The following TMEM131 variants were observed in gnomAD, a reference collection of about 807,000 sequenced individuals.
The protein encoded by TMEM131 is 2610524E03Rik.
A neutral mutation model predicts 211.6 loss-of-function variants in TMEM131; 66 were observed. The observed-to-expected ratio is 0.31, with a 90% CI of 0.26 to 0.38. The LOEUF (loss-of-function observed/expected upper bound fraction) is 0.38. Among genes scored for constraint, TMEM131 ranks in the 10% least tolerant of loss-of-function variants. The pLI is 1.00. For synonymous variants in TMEM131, 844 were observed against 841.3 expected (o/e 1.00, Z -0.06); for missense variants, 2,036 against 2,299.3 (o/e 0.89, Z 2.34).
At chr2:97,765,478 C>G (rs990890427) in intron 35 of TMEM131, among the ~76,000 whole-genome samples, 3 of 152,248 alleles carry the variant, frequency 2.0e-5, no homozygotes, top group African/African-American at 7.2e-5. Flanking sequence ...GCCAGGACCT[C>G]TCTTGATCTC....
Position 97,812,411 on chromosome 2 carries a change from G to C in TMEM131, c.1863+10C>G. On this transcript the variant is annotated intron_variant, in intron 17 of 40. Transcript: ENST00000186436. The stretch of plus-strand genomic sequence containing the variant: ...TCTTACTTTAAGGAGACAATAGAAA[G>C]TTTACTTACCGATGATTGATCTGAT... The C allele has an allele frequency of 5.6e-6, 9 of 1,596,320 alleles. No individual in the cohort carries two copies. Among genetic ancestry groups the C allele is most frequent in the Non-Finnish European group, 7.7e-6 (9 of 1,174,686 alleles).
At chr2:97,926,305 T>C (rs886457775) in intron 2 of TMEM131, among the ~76,000 whole-genome samples, 33 of 152,208 alleles carry the variant, frequency 2.2e-4, no homozygotes, top group African/African-American at 8.0e-4. Context: ...AAATGCTACA[T>C]GTACATTTTT....
intron 3 of TMEM131, among the ~76,000 whole-genome samples, chr2:97,891,951 G>A (rs934442417): frequency 5.9e-5 from 9 of 152,130 alleles, no homozygotes; most frequent in Non-Finnish European, 1.0e-4. Context: ...CAAATAAGAG[G>A]TGGGGAAGGA....
At chr2:97,788,510 C>A (rs1395899935) in intron 31 of TMEM131, among the ~76,000 whole-genome samples, 1 of 152,206 alleles carries the variant, frequency 6.6e-6, no homozygotes, top group African/African-American at 2.4e-5. Context: ...CCATCTCTAC[C>A]AACTCACGCA....
chr2:97,760,410 C>T (rs989503082), intron 38 of TMEM131, 183 bp downstream of exon 38: 9 of 628,098 alleles, frequency 1.4e-5, no homozygotes, highest in African/African-American at 9.2e-5. Flanking sequence ...GGGAAGGCAC[C>T]GCAGCCGGCT....
chr2:97,978,136 T>C (rs1679626155), intron 1 of TMEM131, among the ~76,000 whole-genome samples: 1 of 152,084 alleles, frequency 6.6e-6, no homozygotes, highest in South Asian at 2.1e-4. Context: ...GCAATGAAGT[T>C]TGCTGCCATT....
chr2:97,790,374 T>C lies in TMEM131; in HGVS notation c.4144+2012A>G, dbSNP rs552244511. Among the ~76,000 whole-genome samples, 6 of 152,316 alleles carry C rather than the reference T, an allele frequency of 3.9e-5. No homozygotes were observed. In the South Asian group the frequency reaches 6.2e-4, roughly 16 times the overall value. ...TCCCAAACAGCATCAGTGGGAAGGATAGTGAGTAGAGTAGCCGCGCCTGCA... is the reference window on the plus strand; with the variant it reads ...TCCCAAACAGCATCAGTGGGAAGGACAGTGAGTAGAGTAGCCGCGCCTGCA... On this transcript the variant is annotated intron_variant, in intron 31 of 40. Coordinates refer to ENST00000186436, the MANE Select transcript of TMEM131 (RefSeq NM_015348.2).
At chr2:97,877,314 C>A (rs890360497) in intron 4 of TMEM131, among the ~76,000 whole-genome samples, 1 of 152,236 alleles carries the variant, frequency 6.6e-6, no homozygotes, top group East Asian at 1.9e-4. Flanking sequence ...CTATCCCCAA[C>A]AAGCTACCAC....
intron 1 of TMEM131, among the ~76,000 whole-genome samples, chr2:97,956,333 G>A (rs1329927757): frequency 6.6e-6 from 1 of 152,146 alleles, no homozygotes; most frequent in African/African-American, 2.4e-5. Flanking sequence ...TTGTATCTCG[G>A]AACCAACTTG....
chr2:97,790,024 A>C (rs919760653), intron 31 of TMEM131, among the ~76,000 whole-genome samples: 10 of 152,238 alleles, frequency 6.6e-5, no homozygotes, highest in Non-Finnish European at 1.2e-4. Context: ...CAAAAACCAG[A>C]AACTACATAA....
chr2:97,815,219 A>G lies in TMEM131; in HGVS notation c.1272T>C (p.Tyr424=), dbSNP rs1681761104. 1 of 1,551,254 alleles carries G rather than the reference A, an allele frequency of 6.4e-7. No individual in the cohort carries two copies. The highest frequency in any genetic ancestry group is 1.4e-5 in the African/African-American group (1 of 71,194). Residue 424 remains tyrosine (Y), a synonymous_variant, in exon 13 of 41, where the codon TAT becomes TAC. Transcript: ENST00000186436. ...CTCACCCATCTAAAACTTCTGCTTG[A>G]TATGGTATTTCAAGTTTAGAATAAC... The part of the protein sequence containing the change: ...EKSYSKLEIP[Y]QAEVLDGYLG...
intron 31 of TMEM131, among the ~76,000 whole-genome samples, chr2:97,789,817 A>G (rs886448715): frequency 1.3e-5 from 2 of 152,166 alleles, no homozygotes; most frequent in African/African-American, 4.8e-5. Context: ...TACAGAATCT[A>G]ATGATTATTC....
chr2:97,792,431 C>A lies in TMEM131; in HGVS notation c.4099G>T (p.Glu1367Ter). The A allele has an allele frequency of 6.2e-7, 1 of 1,611,042 alleles. No homozygotes were observed. The highest frequency in any genetic ancestry group is 8.5e-7 in the Non-Finnish European group (1 of 1,178,526). ...GATGGAGGCTGCTCTGTAAACACTT[C>A]TAGGGCTGGGGAGTCATGGTGGTCG... ...DFDHHDSPAL[E>*]VFTEQPPSPL... is the part of the protein sequence containing the mutation. The change falls in exon 31 of 41, where the codon GAA (glutamate) becomes TAA (stop). Residue 1367 changes from glutamate (E) to a stop codon, truncating the protein, a stop_gained. Transcript: ENST00000186436. LOFTEE classifies it high-confidence loss of function.
intron 4 of TMEM131, among the ~76,000 whole-genome samples, chr2:97,880,667 G>C (rs550881963): frequency 6.6e-6 from 1 of 152,116 alleles, no homozygotes; most frequent in Non-Finnish European, 1.5e-5. Context: ...GACATGGTGA[G>C]TTTAGTGTGG....
Position 97,834,791 on chromosome 2 carries a change from C to G in TMEM131, c.939G>C (p.Glu313Asp). 1.9e-6 allele frequency: 3 copies of G among 1,613,514 alleles called. No individual in the cohort carries two copies. Among genetic ancestry groups the G allele is most frequent in the Non-Finnish European group, 2.5e-6 (3 of 1,179,700 alleles). Residue 313 changes from glutamate to aspartate, a missense_variant, in exon 9 of 41, where the codon GAG becomes GAC. Glu to Asp is a conservative substitution (Grantham distance 45, BLOSUM62 2). Transcript: ENST00000186436. ...TCCACTAACCTGTTGTAACTTCAACCTCAACAGGAAGAATGATAAACTCTG... is the reference window on the plus strand; with the variant it reads ...TCCACTAACCTGTTGTAACTTCAACGTCAACAGGAAGAATGATAAACTCTG... ...DSTEFIILPV[E>D]VEVTTAPGIY...
At chr2:97,866,923 A>G (rs1674295875) in intron 4 of TMEM131, among the ~76,000 whole-genome samples, 1 of 152,204 alleles carries the variant, frequency 6.6e-6, no homozygotes. Flanking sequence ...TCTGCATTAC[A>G]CTTATCAGTT....
intron 8 of TMEM131, among the ~76,000 whole-genome samples, chr2:97,836,205 T>C (rs1482887694): frequency 1.3e-5 from 2 of 152,250 alleles, no homozygotes; most frequent in African/African-American, 2.4e-5. Context: ...AACTGGCTGA[T>C]AAATTTGTTT....
intron 31 of TMEM131, among the ~76,000 whole-genome samples, chr2:97,788,061 C>A (rs925402173): frequency 8.5e-5 from 13 of 152,174 alleles, no homozygotes; most frequent in Non-Finnish European, 1.5e-4. Flanking sequence ...CAGCACAGCA[C>A]CCCACCGCTC....
At chr2:97,837,586 T>C (rs946403410) in intron 7 of TMEM131, among the ~76,000 whole-genome samples, 4 of 152,174 alleles carry the variant, frequency 2.6e-5, no homozygotes, top group Non-Finnish European at 5.9e-5. Context: ...CTACCATAAT[T>C]GTGAGATGGG....
Sources: allele counts gnomAD v4.1 joint callset (sites outside exome capture counted in the v4.1 genomes callset), GRCh38; gene constraint gnomAD v4.1.1; transcripts MANE v1.5; gene names NCBI Gene and HGNC (gene_info 2026-07-23, HGNC 2026-07-21).